Variants in FAM53B observed in about 807,000 individuals in gnomAD.
FAM53B encodes the protein protein FAM53B.
A neutral mutation model predicts 32.7 loss-of-function variants in FAM53B; 12 were observed. The observed-to-expected ratio is 0.37, with a 90% confidence interval of 0.24 to 0.59. The LOEUF is 0.59. Among genes scored for constraint, FAM53B ranks in the 20% least tolerant of loss-of-function variants. FAM53B has a pLI of 0.72. For missense variants in FAM53B, 477 were observed against 577.7 expected (o/e 0.83, Z 1.79); for synonymous variants, 234 against 228.7 (o/e 1.02, Z -0.21).
chr10:124,648,252 C>T (rs1949532340), intron 4 of FAM53B, among the ~76,000 whole-genome samples: 2 of 152,216 alleles, frequency 1.3e-5, no homozygotes, highest in African/African-American at 4.8e-5. Flanking sequence ...AGACCACAGG[C>T]CTGGGCACGG....
chr10:124,651,215 C>T lies in FAM53B; in HGVS notation c.907-27611G>A, dbSNP rs1161200048. 2.6e-5 allele frequency among the ~76,000 whole-genome samples: 4 copies of T among 152,374 alleles called. No homozygotes were observed. The highest frequency in any genetic ancestry group is 9.6e-5 in the African/African-American group (4 of 41,598). ...ACAGAGCCAGGTGGCCACCACCTTG[C>T]CCTCAGACGCTCTGTTGTGGCCTTG... On this transcript the variant is annotated intron_variant, in intron 4 of 4. Coordinates refer to ENST00000337318, the MANE Select transcript of FAM53B (RefSeq NM_014661.4). The surrounding 1 kb of genome is among the most constrained non-coding windows in gnomAD (Gnocchi z 5.2).
intron 4 of FAM53B, among the ~76,000 whole-genome samples, chr10:124,635,827 C>G (rs1301774705): frequency 1.3e-5 from 2 of 151,714 alleles, no homozygotes; most frequent in Admixed American, 1.3e-4. Flanking sequence ...GAACACCGTG[C>G]AGCCAAAAAA....
At position 124,666,855 on chromosome 10, in the gene FAM53B, C is replaced by T. The variant is rs373289862; in HGVS notation, c.906+14752G>A. Among the ~76,000 whole-genome samples, 43 of 152,326 alleles carry T rather than the reference C, an allele frequency of 2.8e-4. No individual in the cohort carries two copies. In the East Asian group the frequency reaches 5.0e-3, roughly 18 times the overall value. Reference sequence around the variant, plus strand: ...CCATGGACAGCCTGTGGGCACCAGACGCTCTGGTCCTCAGGTCTCCTGGGG... The same window carrying T: ...CCATGGACAGCCTGTGGGCACCAGATGCTCTGGTCCTCAGGTCTCCTGGGG... On this transcript the variant is annotated intron_variant, in intron 4 of 4. Transcript: ENST00000337318.
chr10:124,681,263 G>A (rs1949769189), intron 4 of FAM53B, among the ~76,000 whole-genome samples: 1 of 152,132 alleles, frequency 6.6e-6, no homozygotes, highest in African/African-American at 2.4e-5. Flanking sequence ...AGCTGCAGGG[G>A]TGGCTTCCTG....
At chr10:124,724,428 G>A (rs530011558) in intron 1 of FAM53B, among the ~76,000 whole-genome samples, 91 of 152,260 alleles carry the variant, frequency 6.0e-4, no homozygotes, top group African/African-American at 2.0e-3. Flanking sequence ...TCTGCGCACC[G>A]GACAGCCACA....
intron 3 of FAM53B, among the ~76,000 whole-genome samples, chr10:124,691,405 T>C (rs1324838341): frequency 3.3e-5 from 5 of 152,236 alleles, no homozygotes; most frequent in Admixed American, 1.3e-4. Context: ...GTTTCCTGTA[T>C]GTTCTTTGCC....
At chr10:124,680,229 AGCTCTGCCCCACACCCCTTCAG>A (rs1333338865) in intron 4 of FAM53B, among the ~76,000 whole-genome samples, 1 of 152,220 alleles carries the variant, frequency 6.6e-6, no homozygotes, top group Non-Finnish European at 1.5e-5. Flanking sequence ...AAGAGGCAAG[AGCTCTGCCCCACACCCCTTCAG>A]GCTCTCCCCC....
Position 124,676,549 on chromosome 10 carries a change from C to T in FAM53B, c.906+5058G>A, listed in dbSNP as rs375569881. Reference sequence around the variant, plus strand: ...AGAAGTCATGTAGCCAACCCCATGGCGACCAACAAGGGCCACTGTCCCTCA... The same window carrying T: ...AGAAGTCATGTAGCCAACCCCATGGTGACCAACAAGGGCCACTGTCCCTCA... On this transcript the variant is annotated intron_variant, in intron 4 of 4. Coordinates refer to ENST00000337318, the MANE Select transcript of FAM53B (RefSeq NM_014661.4). Among the ~76,000 whole-genome samples the T allele has an allele frequency of 8.6e-4, 131 of 152,266 alleles. 1 individual carries two copies. Among genetic ancestry groups the T allele is most frequent in the African/African-American group, 2.9e-3 (122 of 41,550 alleles).
At chr10:124,638,438 G>A (rs1383820310) in intron 4 of FAM53B, among the ~76,000 whole-genome samples, 1 of 152,180 alleles carries the variant, frequency 6.6e-6, no homozygotes, top group East Asian at 1.9e-4. Context: ...TACGCAATCT[G>A]AGTTTCTCTT....
intron 1 of FAM53B, among the ~76,000 whole-genome samples, chr10:124,722,215 C>T (rs971684324): frequency 6.6e-6 from 1 of 152,056 alleles, no homozygotes. Context: ...AAATGATAAA[C>T]GTTTGAGATG....
chr10:124,623,618 G>A lies in FAM53B; in HGVS notation c.907-14C>T. On this transcript the variant is annotated splice_polypyrimidine_tract_variant and intron_variant, in intron 4 of 4. Coordinates refer to ENST00000337318, the MANE Select transcript of FAM53B (RefSeq NM_014661.4). ...GGTCTGACAGTTCTGTGGAGGGGCA[G>A]ACACACAGGTTACTAAGGGTTACTC... is the stretch of plus-strand genomic sequence containing the variant. The A allele has an allele frequency of 6.2e-7, 1 of 1,605,294 alleles. No individual in the cohort carries two copies. Among genetic ancestry groups the A allele is most frequent in the Non-Finnish European group, 8.5e-7 (1 of 1,178,074 alleles).
At position 124,681,943 on chromosome 10, in the gene FAM53B, A is replaced by G; in HGVS notation, c.570T>C (p.Phe190=). 5 of 1,613,990 alleles carry G rather than the reference A, an allele frequency of 3.1e-6. No homozygotes were observed. The highest frequency in any genetic ancestry group is 4.2e-6 in the Non-Finnish European group (5 of 1,179,996). Residue 190 remains phenylalanine, a synonymous_variant, in exon 4 of 5, where the codon TTT becomes TTC. Transcript: ENST00000337318. ...GCACCCCTTGGCAGGGCTGCCCTCC[A>G]AATCGGTGGTGGAGTCCTGCCTGGT... The part of the protein sequence containing the change: ...PCDQAGLHHR[F]GGQPCQGVPG...
intron 4 of FAM53B, among the ~76,000 whole-genome samples, chr10:124,668,339 C>T (rs1048332867): frequency 4.6e-5 from 7 of 152,276 alleles, no homozygotes; most frequent in Non-Finnish European, 8.8e-5. Flanking sequence ...TTCTAGCCAC[C>T]GGCTCCCCTG....
intron 3 of FAM53B, among the ~76,000 whole-genome samples, chr10:124,684,058 T>TA (rs1336737207): frequency 6.6e-6 from 1 of 152,184 alleles, no homozygotes; most frequent in Admixed American, 6.5e-5. Context: ...CTAACGGTGG[T>TA]ACTCCTTCCT....
intron 4 of FAM53B, among the ~76,000 whole-genome samples, chr10:124,630,037 G>A (rs931840869): frequency 6.6e-6 from 1 of 152,218 alleles, no homozygotes; most frequent in Non-Finnish European, 1.5e-5. Context: ...TGGGCATCTG[G>A]TCTTCTGCTG....
intron 3 of FAM53B, among the ~76,000 whole-genome samples, chr10:124,689,604 A>G (rs1177338301): frequency 6.6e-6 from 1 of 152,226 alleles, no homozygotes; most frequent in South Asian, 2.1e-4. Flanking sequence ...CAGGCCCCAC[A>G]TCCAAGGAAG....
rs777628458 is a variant in FAM53B at position 124,733,224 on chromosome 10, G to A, written c.-175+10789C>T. ...AAGATGGGCTGCTAACTGCAGTTCC[G>A]CCTCCACCTCTGCACAGGTTCAGTA... On this transcript the variant is annotated intron_variant, in intron 1 of 4. Coordinates refer to ENST00000337318, the MANE Select transcript of FAM53B (RefSeq NM_014661.4). This position sits in a 1 kb window ranked among gnomAD's most constrained non-coding sequence, Gnocchi z 4.3. Among the ~76,000 whole-genome samples, 3 of 152,144 alleles carry A rather than the reference G, an allele frequency of 2.0e-5. No homozygotes were observed. Among genetic ancestry groups the A allele is most frequent in the Admixed American group, 6.5e-5 (1 of 15,282 alleles).
intron 1 of FAM53B, chr10:124,713,936 G>A (rs2134091575): frequency 6.6e-6 from 1 of 152,308 alleles, no homozygotes; most frequent in South Asian, 2.1e-4. Flanking sequence ...AATTCCACAA[G>A]GTCTTTGTGC....
At position 124,623,338 on chromosome 10, in the gene FAM53B, C is replaced by T. The variant is rs946464149; in HGVS notation, c.1173G>A (p.Ala391=). The T allele has an allele frequency of 2.5e-6, 4 of 1,612,142 alleles. No homozygotes were observed. Among genetic ancestry groups the T allele is most frequent in the East Asian group, 2.2e-5 (1 of 44,890 alleles). ...GGTCCCGCCAGGCTGCAGCCGGCTC[C>T]GCTCTCCTGCCACAATCCTCGTCCA... is the stretch of plus-strand genomic sequence containing the variant. ...CALDEDCGRR[A]EPAAAWRDRG... is the part of the protein sequence containing the mutation. Residue 391 remains alanine, a synonymous_variant, in exon 5 of 5, where the codon GCG becomes GCA. Coordinates refer to ENST00000337318, the MANE Select transcript of FAM53B (RefSeq NM_014661.4).
Sources: gnomAD v4.1 joint callset for allele counts (sites outside exome capture counted in the v4.1 genomes callset) on GRCh38, gnomAD v4.1.1 for gene constraint, Gnocchi (gnomAD v3.1) non-coding constraint, MANE v1.5 for transcripts, NCBI Gene and HGNC (gene_info 2026-07-23, HGNC 2026-07-21) for gene names.